Variants in ZSCAN5B observed in about 807,000 individuals in gnomAD.
ZSCAN5B encodes the protein zinc finger and SCAN domain-containing protein 5B.
Under a neutral mutation model 25.2 loss-of-function variants are expected in ZSCAN5B, and 26 were observed. The observed-to-expected ratio is 1.03, with a 90% CI of 0.76 to 1.43. ZSCAN5B has a LOEUF of 1.43. Among genes scored for constraint, ZSCAN5B ranks in the 40% most tolerant of loss-of-function variants. ZSCAN5B has a pLI of 0.00. For synonymous variants in ZSCAN5B, 244 were observed against 240.9 expected, an observed-to-expected ratio of 1.01 and a Z score of -0.12; for missense variants, 745 against 622.1, an observed-to-expected ratio of 1.20 and a Z score of -2.10.
chr19:56,194,348 G>C (rs935199610), intron 1 of ZSCAN5B, among the ~76,000 whole-genome samples: 2 of 152,002 alleles, frequency 1.3e-5, no homozygotes, highest in Non-Finnish European at 2.9e-5. Context: ...CAGGCTGGAG[G>C]GAAATTTGCA....
At chr19:56,195,637 A>G (rs576114433) in intron 1 of ZSCAN5B, among the ~76,000 whole-genome samples, 3 of 152,172 alleles carry the variant, frequency 2.0e-5, no homozygotes, top group East Asian at 3.9e-4. Flanking sequence ...GGGCAGGTAC[A>G]CAGAGGAAAG....
Position 56,192,478 on chromosome 19 carries a change from C to G in ZSCAN5B, c.384+191G>C, listed in dbSNP as rs566387622. ...GCCTCCTTCCCTACGTTCCATCAGG[C>G]CTAATATTTTACCAATGTCTTTCTT... is the stretch of plus-strand genomic sequence containing the variant. On this transcript the variant is annotated intron_variant, in intron 2 of 4. Transcript: ENST00000586855. Among the ~76,000 whole-genome samples the G allele has an allele frequency of 1.3e-3, 196 of 152,322 alleles. 1 individual carries two copies. Among genetic ancestry groups the G allele is most frequent in the African/African-American group, 4.6e-3 (191 of 41,562 alleles).
chr19:56,194,853 TC>T (rs1257278173), intron 1 of ZSCAN5B, among the ~76,000 whole-genome samples: 1 of 152,186 alleles, frequency 6.6e-6, no homozygotes, highest in Non-Finnish European at 1.5e-5. Flanking sequence ...GTGACATGCC[TC>T]GGCCTCCCAA....
chr19:56,197,743 G>C lies in ZSCAN5B; in HGVS notation c.-137C>G, dbSNP rs555384276. 4.9e-4 allele frequency: 480 copies of C among 985,192 alleles called. No individual in the cohort carries two copies. The African/African-American group carries it at 8.1e-3, about 17-fold the overall frequency. 61.0% of individuals were successfully genotyped at this position (985,192 alleles called of 1,614,324 possible). On this transcript the variant is annotated 5_prime_UTR_variant, in exon 1 of 5. Coordinates refer to ENST00000586855, the Ensembl canonical transcript of ZSCAN5B. ...GCCGCTGGACACTCACCTCCTTCCC[G>C]GCTTCTGCCTCCGACCTTCTCGGTC...
In ZSCAN5B at chr19:56,190,562, TG is replaced by T; in HGVS notation, c.752del (p.Ala251GlufsTer31). 1 of 1,612,326 alleles carries T rather than the reference TG, an allele frequency of 6.2e-7. No homozygotes were observed. The highest frequency in any genetic ancestry group is 8.5e-7 in the Non-Finnish European group (1 of 1,179,794). On this transcript the variant is annotated frameshift_variant, in exon 5 of 5. Transcript: ENST00000586855. LOFTEE classifies it low-confidence loss of function (END_TRUNC). Reference sequence around the variant, plus strand: ...TTTTCTGGGGTTCCTTCCCCTCCTTTGCTCTCACCAGATCTGGTGGAAGAAG... The same window carrying T: ...TTTTCTGGGGTTCCTTCCCCTCCTTTCTCTCACCAGATCTGGTGGAAGAAG...
At chr19:56,195,862 T>G (rs2032803758) in intron 1 of ZSCAN5B, among the ~76,000 whole-genome samples, 1 of 151,930 alleles carries the variant, frequency 6.6e-6, no homozygotes, top group Non-Finnish European at 1.5e-5. Context: ...AAGTTATCTA[T>G]TTTTGTTTTT....
chr19:56,191,209 A>C (rs2032727826), intron 3 of ZSCAN5B, among the ~76,000 whole-genome samples: 1 of 152,048 alleles, frequency 6.6e-6, no homozygotes, highest in Admixed American at 6.6e-5. Context: ...TTCTCTGAGA[A>C]TATTTCTCCC....
chr19:56,190,972 G>A, exon 4 of ZSCAN5B: 1 of 1,613,992 alleles, frequency 6.2e-7, no homozygotes, highest in Non-Finnish European at 8.5e-7. Flanking sequence ...CTCTTGTGTA[G>A]CAGAAAGTCC....
exon 5 of ZSCAN5B, chr19:56,189,814 C>T: frequency 1.9e-6 from 3 of 1,596,840 alleles, no homozygotes; most frequent in Non-Finnish European, 2.6e-6. Context: ...AGGATGTGGA[C>T]CTGACTCTGG....
rs1315583576 is a variant in ZSCAN5B at position 56,192,821 on chromosome 19, G to A, written c.232C>T (p.His78Tyr). The change falls in exon 2 of 5, where the codon CAC becomes TAC. Residue 78 changes from histidine (H) to tyrosine (Y), a missense_variant. His to Tyr is a moderately conservative substitution (Grantham distance 83, BLOSUM62 2). Transcript: ENST00000586855. The stretch of plus-strand genomic sequence containing the variant: ...ATGTCCAGGATCTGCTCTTTGGTGT[G>A]GAGGTCGGGCCTCAGCCACAGATGG... The A allele has an allele frequency of 3.7e-6, 6 of 1,612,518 alleles. No homozygotes were observed. The African/African-American group carries it at 4.0e-5, about 11-fold the overall frequency.
intron 1 of ZSCAN5B, among the ~76,000 whole-genome samples, chr19:56,194,718 T>C (rs1183688668): frequency 6.6e-6 from 1 of 152,108 alleles, no homozygotes; most frequent in African/African-American, 2.4e-5. Context: ...CCCAGGTTCA[T>C]ATGGCTCTCC....
At chr19:56,191,777 G>C in intron 3 of ZSCAN5B, 73 bp downstream of exon 3, 1 of 1,502,374 alleles carries the variant, frequency 6.7e-7, no homozygotes, top group Admixed American at 1.8e-5. Context: ...CTCTCAATCA[G>C]TTCTGCAGCC....
chr19:56,195,313 T>C (rs1298312906), intron 1 of ZSCAN5B, among the ~76,000 whole-genome samples: 4 of 152,016 alleles, frequency 2.6e-5, no homozygotes, highest in African/African-American at 9.7e-5. Context: ...CATAACCCAC[T>C]AGAAGGGCTT....
At chr19:56,196,893 G>A (rs983419967) in intron 1 of ZSCAN5B, among the ~76,000 whole-genome samples, 29 of 152,162 alleles carry the variant, frequency 1.9e-4, no homozygotes, top group African/African-American at 5.8e-4. Context: ...CTCAGAAAGC[G>A]GAGATCGAGG....
At chr19:56,195,596 A>G (rs2032799959) in intron 1 of ZSCAN5B, among the ~76,000 whole-genome samples, 1 of 151,988 alleles carries the variant, frequency 6.6e-6, no homozygotes, top group Non-Finnish European at 1.5e-5. Context: ...TTGAAAGTCC[A>G]ACAACTGCAT....
At chr19:56,192,316 T>C (rs944515805) in intron 2 of ZSCAN5B, among the ~76,000 whole-genome samples, 1 of 152,164 alleles carries the variant, frequency 6.6e-6, no homozygotes, top group African/African-American at 2.4e-5. Context: ...TCCAACTCAA[T>C]TGGCCAATGG....
intron 1 of ZSCAN5B, among the ~76,000 whole-genome samples, chr19:56,195,041 G>A (rs955568650): frequency 3.9e-5 from 6 of 152,174 alleles, no homozygotes; most frequent in African/African-American, 1.2e-4. Flanking sequence ...AGACACAGGT[G>A]GGGGAAGCAA....
At chr19:56,197,239 C>A (rs1320839251) in intron 1 of ZSCAN5B, among the ~76,000 whole-genome samples, 1 of 151,720 alleles carries the variant, frequency 6.6e-6, no homozygotes, top group Non-Finnish European at 1.5e-5. Context: ...ATGGCGCGAC[C>A]TCGGCTCACT....
At chr19:56,196,854 T>C (rs2032816645) in intron 1 of ZSCAN5B, among the ~76,000 whole-genome samples, 1 of 152,212 alleles carries the variant, frequency 6.6e-6, no homozygotes, top group Non-Finnish European at 1.5e-5. Flanking sequence ...TTAAAGAGGT[T>C]TTCCCGCCAG....
Sources: allele counts gnomAD v4.1 joint callset (sites outside exome capture counted in the v4.1 genomes callset), GRCh38; gene constraint gnomAD v4.1.1; transcripts MANE v1.5; gene names NCBI Gene and HGNC (gene_info 2026-07-23, HGNC 2026-07-21).